CNTN3: variants seen among roughly 807,000 people sequenced by gnomAD.
CNTN3 encodes contactin-3.
CNTN3 carries 60 observed loss-of-function variants against 119.1 expected under a neutral mutation model. The ratio of observed to expected loss-of-function variants is 0.50; its 90% CI spans 0.41 to 0.62. The LOEUF (loss-of-function observed/expected upper bound fraction) is 0.62. CNTN3 is among the 20% of genes least tolerant of loss of function. The pLI is 0.00. For missense variants in CNTN3, 1,101 were observed against 1,242.4 expected, an observed-to-expected ratio of 0.89 and a Z score of 1.71; for synonymous variants, 450 against 438.7, an observed-to-expected ratio of 1.03 and a Z score of -0.32.
intron 1 of CNTN3, among the ~76,000 whole-genome samples, chr3:74,602,840 C>T (rs1437918768): frequency 6.6e-6 from 1 of 152,090 alleles, no homozygotes; most frequent in Non-Finnish European, 1.5e-5. Context: ...GTTTTGAATA[C>T]AATTGCATGG....
chr3:74,278,609 A>C (rs538824488), intron 20 of CNTN3, among the ~76,000 whole-genome samples: 2 of 152,352 alleles, frequency 1.3e-5, no homozygotes, highest in Non-Finnish European at 2.9e-5. Context: ...AAATCAACCC[A>C]AGATGGATGA....
chr3:74,341,951 G>A (rs1258143737), intron 11 of CNTN3, among the ~76,000 whole-genome samples: 2 of 152,034 alleles, frequency 1.3e-5, no homozygotes, highest in Admixed American at 1.3e-4. Context: ...ATTTTCTCAG[G>A]AAGCATATCT....
chr3:74,585,574 A>T (rs1197600753), intron 1 of CNTN3, among the ~76,000 whole-genome samples: 2 of 152,146 alleles, frequency 1.3e-5, no homozygotes, highest in Non-Finnish European at 2.9e-5. Context: ...TTTGACCCAA[A>T]ATATCTTATA....
At chr3:74,377,984 T>G (rs1704521038) in intron 5 of CNTN3, among the ~76,000 whole-genome samples, 1 of 152,224 alleles carries the variant, frequency 6.6e-6, no homozygotes, top group African/African-American at 2.4e-5. Context: ...CAGAAGAAAT[T>G]CTGTCAAACA....
chr3:74,313,669 T>C (rs1398022019), intron 13 of CNTN3, among the ~76,000 whole-genome samples: 2 of 152,138 alleles, frequency 1.3e-5, no homozygotes, highest in African/African-American at 2.4e-5. Flanking sequence ...ATACACCATT[T>C]TGAGGTTACG....
Position 74,267,594 on chromosome 3 carries a change from C to G in CNTN3, c.2705-216G>C, listed in dbSNP as rs111837848. The G allele has an allele frequency of 4.0e-4, 185 of 459,018 alleles. 1 individual carries two copies. Among genetic ancestry groups the G allele is most frequent in the African/African-American group, 3.4e-3 (173 of 51,454 alleles). 28.4% of individuals were successfully genotyped at this position (459,018 alleles called of 1,614,324 possible). A position where few individuals can be genotyped will look rare whatever the true frequency, so the allele number is the denominator to read the frequency against. ...ATTCATACACCAAACCCCCGTGACACGTAATTTATTCATGTAACAAACCTG... is the reference window on the plus strand; with the variant it reads ...ATTCATACACCAAACCCCCGTGACAGGTAATTTATTCATGTAACAAACCTG... On this transcript the variant is annotated intron_variant, in intron 20 of 22. Coordinates refer to ENST00000263665, the MANE Select transcript of CNTN3 (RefSeq NM_020872.3).
intron 4 of CNTN3, among the ~76,000 whole-genome samples, chr3:74,440,387 TTAA>T (rs1397827541): frequency 3.9e-5 from 6 of 152,010 alleles, no homozygotes; most frequent in Admixed American, 2.0e-4. Flanking sequence ...TGGTGGGAGA[TTAA>T]TAATATCTTA....
At chr3:74,466,309 A>G (rs1702459850) in intron 4 of CNTN3, among the ~76,000 whole-genome samples, 1 of 152,198 alleles carries the variant, frequency 6.6e-6, no homozygotes, top group Admixed American at 6.5e-5. Flanking sequence ...CTCAGGGCCT[A>G]TTGAAGACAA....
chr3:74,554,990 C>T (rs572041385), intron 1 of CNTN3, among the ~76,000 whole-genome samples: 16 of 152,206 alleles, frequency 1.1e-4, no homozygotes, highest in African/African-American at 3.1e-4. Context: ...TGTCTTGTGC[C>T]GGTTTTCAAA....
chr3:74,595,767 T>A (rs1285008907), intron 1 of CNTN3, among the ~76,000 whole-genome samples: 2 of 152,162 alleles, frequency 1.3e-5, no homozygotes, highest in African/African-American at 4.8e-5. Flanking sequence ...GTATTCCCTT[T>A]GAAAACTGGC....
chr3:74,433,472 T>C (rs952015775), intron 4 of CNTN3, among the ~76,000 whole-genome samples: 2 of 152,230 alleles, frequency 1.3e-5, no homozygotes, highest in African/African-American at 4.8e-5. Context: ...TCTAACACTA[T>C]TTAGGAAATG....
intron 1 of CNTN3, among the ~76,000 whole-genome samples, chr3:74,524,632 G>T (rs1703589698): frequency 6.6e-6 from 1 of 151,750 alleles, no homozygotes; most frequent in African/African-American, 2.4e-5. Flanking sequence ...GTGGCAGATA[G>T]GCTTGTGAGT....
intron 1 of CNTN3, among the ~76,000 whole-genome samples, chr3:74,591,049 T>C (rs1197352675): frequency 3.3e-5 from 5 of 152,010 alleles, no homozygotes; most frequent in Non-Finnish European, 7.4e-5. Flanking sequence ...TACAAGCAGA[T>C]GCAAGCATTG....
chr3:74,499,031 A>AT (rs1363531586), intron 3 of CNTN3, among the ~76,000 whole-genome samples: 1 of 150,298 alleles, frequency 6.7e-6, no homozygotes, highest in Non-Finnish European at 1.5e-5. Flanking sequence ...AAATATCAAT[A>AT]TTTTTTTCTT....
chr3:74,288,031 A>G (rs759195317), intron 19 of CNTN3, among the ~76,000 whole-genome samples: 10 of 152,168 alleles, frequency 6.6e-5, no homozygotes, highest in Non-Finnish European at 1.3e-4. Flanking sequence ...AACTTGTGCT[A>G]CAGTGAATTC....
intron 4 of CNTN3, among the ~76,000 whole-genome samples, chr3:74,458,483 T>C (rs1702308939): frequency 6.6e-6 from 1 of 152,148 alleles, no homozygotes; most frequent in Admixed American, 6.6e-5. Flanking sequence ...TGAGTATAGT[T>C]TTATTGGAAC....
intron 5 of CNTN3, among the ~76,000 whole-genome samples, chr3:74,402,994 G>A (rs911440381): frequency 4.6e-5 from 7 of 152,208 alleles, no homozygotes; most frequent in African/African-American, 1.7e-4. Flanking sequence ...GGTTAGGATA[G>A]TGAAATGAGA....
intron 5 of CNTN3, among the ~76,000 whole-genome samples, chr3:74,417,286 G>A (rs1225722843): frequency 6.6e-6 from 1 of 152,114 alleles, no homozygotes; most frequent in Non-Finnish European, 1.5e-5. Flanking sequence ...CCTGCAAACT[G>A]AACTCAGTAC....
At chr3:74,583,286 A>G (rs1575845742) in intron 1 of CNTN3, among the ~76,000 whole-genome samples, 1 of 152,266 alleles carries the variant, frequency 6.6e-6, no homozygotes, top group East Asian at 1.9e-4. Context: ...GTCAAACAAT[A>G]ATAACTCGAG....
Sources: gnomAD v4.1 joint callset for allele counts (sites outside exome capture counted in the v4.1 genomes callset) on GRCh38, gnomAD v4.1.1 for gene constraint, MANE v1.5 for transcripts, NCBI Gene and HGNC (gene_info 2026-07-23, HGNC 2026-07-21) for gene names.